PTPRH: variants seen among roughly 807,000 people sequenced by gnomAD.
PTPRH encodes protein tyrosine phosphatase receptor type H, also known as receptor-type tyrosine-protein phosphatase H.
Under a neutral mutation model 130.2 loss-of-function variants are expected in PTPRH, and 113 were observed. The ratio of observed to expected loss-of-function variants is 0.87; its 90% CI spans 0.75 to 1.01. The LOEUF (loss-of-function observed/expected upper bound fraction) is 1.01. PTPRH is among the 50% of genes least tolerant of loss of function. The pLI, the probability that PTPRH is intolerant of heterozygous loss-of-function variation, is 0.00. For synonymous variants in PTPRH, 556 were observed against 577.9 expected (o/e 0.96, Z 0.54); for missense variants, 1,430 against 1,425.0 (o/e 1.00, Z -0.06).
intron 10 of PTPRH, chr19:55,192,035 A>G: frequency 1.9e-6 from 1 of 536,132 alleles, no homozygotes. Flanking sequence ...CTTAATAAAT[A>G]GCGAGTACAT....
Position 55,185,857 on chromosome 19 carries a change from C to T in PTPRH, c.2901+5G>A, listed in dbSNP as rs201500829. On this transcript the variant is annotated splice_donor_5th_base_variant and intron_variant, in intron 17 of 19. Transcript: ENST00000376350. ...GAGGGCCAGGACGGGGCTGGACACA[C>T]GCACCTGGAGGAGCAGCAGTTCCCG... The T allele has an allele frequency of 1.4e-4, 233 of 1,613,968 alleles. 1 individual carries two copies. The highest frequency in any genetic ancestry group is 3.3e-4 in the Middle Eastern group (2 of 6,070).
chr19:55,189,194 C>A (rs1273312242), intron 12 of PTPRH, among the ~76,000 whole-genome samples: 1 of 152,156 alleles, frequency 6.6e-6, no homozygotes, highest in Non-Finnish European at 1.5e-5. Flanking sequence ...CCATGTTGAT[C>A]AGGCTGGTCT....
At chr19:55,203,698 C>T in intron 5 of PTPRH, 84 bp downstream of exon 5, 2 of 1,459,642 alleles carry the variant, frequency 1.4e-6, no homozygotes, top group Non-Finnish European at 9.2e-7. Context: ...GACTAAAGAA[C>T]CTGTCACATT....
Position 55,186,222 on chromosome 19 carries a change from C to T in PTPRH, c.2778+3G>A, listed in dbSNP as rs751791884. On this transcript the variant is annotated splice_donor_region_variant and intron_variant, in intron 16 of 19. Transcript: ENST00000376350. Reference sequence around the variant, plus strand: ...GTCAGCACCCAGGACTCAGATCTCTCACCCGGCCGGCCTCCATGCAGTTGG... The same window carrying T: ...GTCAGCACCCAGGACTCAGATCTCTTACCCGGCCGGCCTCCATGCAGTTGG... 1.2e-6 allele frequency: 2 copies of T among 1,606,532 alleles called. No homozygotes were observed. Among genetic ancestry groups the T allele is most frequent in the Admixed American group, 3.4e-5 (2 of 59,664 alleles).
rs61734205 is a variant in PTPRH at position 55,197,190 on chromosome 19, C to T, written c.1917G>A (p.Thr639=). The part of the protein sequence containing the change: ...WYKVEALEPG[T]LYNFTVWAER... The stretch of plus-strand genomic sequence containing the variant: ...CTGCCCACACGGTGAAATTGTACAA[C>T]GTCCCGGGTTCCAGGGCCTCCACTT... The change falls in exon 9 of 20, where the codon ACG becomes ACA. Residue 639 remains threonine (T), a synonymous_variant. Transcript: ENST00000376350. The T allele has an allele frequency of 4.1e-4, 660 of 1,614,246 alleles. 4 individuals are homozygous for T. The African/African-American group carries it at 7.6e-3, about 19-fold the overall frequency.
intron 4 of PTPRH, among the ~76,000 whole-genome samples, chr19:55,204,790 T>C (rs970980468): frequency 6.6e-6 from 1 of 152,198 alleles, no homozygotes; most frequent in African/African-American, 2.4e-5. Context: ...ATGGAAGCCC[T>C]TCAACAGGGC....
chr19:55,181,870 G>T lies in PTPRH; in HGVS notation c.3232C>A (p.Arg1078=), dbSNP rs367809853. 16 of 1,614,076 alleles carry T rather than the reference G, an allele frequency of 9.9e-6. No homozygotes were observed. The African/African-American group carries it at 2.0e-4, about 20-fold the overall frequency. Residue 1078 remains arginine (R), a synonymous_variant, in exon 20 of 20, where the codon CGG becomes AGG. Coordinates refer to ENST00000376350, the MANE Select transcript of PTPRH (RefSeq NM_002842.5). ...QYVFLHQCIL[R]FLQQSAQAPA... is the part of the protein sequence containing the mutation. ...GCCTGGGCTGACTGTTGGAGGAACC[G>T]CAGGATGCACTGATGCAGGAATACG...
intron 14 of PTPRH, 70 bp from the exon 15 acceptor site, chr19:55,186,610 A>T (rs2086341681): frequency 6.5e-7 from 1 of 1,530,744 alleles, no homozygotes; most frequent in Admixed American, 1.7e-5. Flanking sequence ...CCACAGGCAG[A>T]GAGACCCAGA....
chr19:55,202,030 T>A, intron 6 of PTPRH, 26 bp downstream of exon 6: 1 of 1,611,788 alleles, frequency 6.2e-7, no homozygotes, highest in Non-Finnish European at 8.5e-7. Flanking sequence ...AAATAAGAGA[T>A]CAAACAAATG....
chr19:55,187,555 A>C lies in PTPRH; in HGVS notation c.2524T>G (p.Ser842Ala). ...HSQSQMVASA[S>A]ENNAKNRYRN... ...TAGCGGTTCTTGGCGTTGTTCTCTG[A>C]AGCCGAAGCCACCATCTGAGACTGG... Residue 842 changes from serine (S) to alanine (A), a missense_variant, in exon 14 of 20, where the codon TCA becomes GCA. Coordinates refer to ENST00000376350, the MANE Select transcript of PTPRH (RefSeq NM_002842.5). 6.2e-7 allele frequency: 1 copy of C among 1,613,134 alleles called. No individual in the cohort carries two copies. Among genetic ancestry groups the C allele is most frequent in the South Asian group, 1.1e-5 (1 of 91,024 alleles).
chr19:55,196,460 G>A (rs1458464030), intron 10 of PTPRH, 62 bp downstream of exon 10: 3 of 1,534,758 alleles, frequency 2.0e-6, no homozygotes, highest in Non-Finnish European at 1.8e-6. Flanking sequence ...CCTCACAATG[G>A]GGCCTGATGG....
chr19:55,183,628 G>A lies in PTPRH; in HGVS notation c.3063-1477C>T, dbSNP rs540199829. On this transcript the variant is annotated intron_variant, in intron 18 of 19. Coordinates refer to ENST00000376350, the MANE Select transcript of PTPRH (RefSeq NM_002842.5). ...ATTCCCAGCTACTCAAGAGGCTGAGGCAGGAGAATTGCTTGAACTTGGGAG... is the reference window on the plus strand; with the variant it reads ...ATTCCCAGCTACTCAAGAGGCTGAGACAGGAGAATTGCTTGAACTTGGGAG... 6.5e-4 allele frequency among the ~76,000 whole-genome samples: 99 copies of A among 152,238 alleles called. 1 individual carries two copies. The highest frequency in any genetic ancestry group is 2.0e-3 in the African/African-American group (84 of 41,544).
intron 18 of PTPRH, among the ~76,000 whole-genome samples, chr19:55,184,022 C>T (rs151169819): frequency 0.012 from 1,899 of 152,210 alleles, 37 homozygotes; most frequent in African/African-American, 0.038. Flanking sequence ...CAGTGGTTCA[C>T]GCCTGTAATC....
At position 55,209,441 on chromosome 19, in the gene PTPRH, G is replaced by T; in HGVS notation, c.-8C>A. ...CCCGCCAGCCCCAGCCATGCCTCCA[G>T]ACACTGCCGGGGACCCAGGAGTCCC... On this transcript the variant is annotated 5_prime_UTR_variant, in exon 1 of 20. The change creates a new upstream start codon in the 5' untranslated region. Transcript: ENST00000376350. This position sits in a 1 kb window ranked among gnomAD's most constrained non-coding sequence, Gnocchi z 4.1. 3.2e-6 allele frequency: 5 copies of T among 1,549,664 alleles called. No individual in the cohort carries two copies. The highest frequency in any genetic ancestry group is 4.4e-6 in the Non-Finnish European group (5 of 1,143,320).
At chr19:55,187,896 A>G (rs935129518) in intron 13 of PTPRH, among the ~76,000 whole-genome samples, 182 bp downstream of exon 13, 8 of 151,866 alleles carry the variant, frequency 5.3e-5, no homozygotes, top group East Asian at 1.9e-4. Context: ...CTGACCCACC[A>G]TTATTTTAAG....
Position 55,196,762 on chromosome 19 carries a change from A to G in PTPRH, c.2017T>C (p.Cys673Arg). The change falls in exon 10 of 20, where the codon TGT becomes CGT. Residue 673 changes from cysteine to arginine, a missense_variant. Cys to Arg is a radical substitution (Grantham distance 180). Coordinates refer to ENST00000376350, the MANE Select transcript of PTPRH (RefSeq NM_002842.5). ...CCATAGCCCGCTGAGGTGCTGACAC[A>G]GGAAGTGATGGTGACTGTGTCTGGG... ...TYPDTVTITS[C>R]VSTSAGYGVN... 1 of 1,614,070 alleles carries G rather than the reference A, an allele frequency of 6.2e-7. No individual in the cohort carries two copies. The highest frequency in any genetic ancestry group is 2.2e-5 in the East Asian group (1 of 44,870).
chr19:55,192,825 A>T (rs1166674313), intron 10 of PTPRH, among the ~76,000 whole-genome samples: 1 of 151,830 alleles, frequency 6.6e-6, no homozygotes, highest in Non-Finnish European at 1.5e-5. Context: ...TGCTGGGATT[A>T]TAGGCATGAG....
chr19:55,187,152 T>C (rs928957948), intron 14 of PTPRH, among the ~76,000 whole-genome samples: 31 of 150,646 alleles, frequency 2.1e-4, no homozygotes, highest in Non-Finnish European at 2.2e-4. Flanking sequence ...GAGACCATCC[T>C]GGCTAACACG....
chr19:55,202,082 G>T lies in PTPRH; in HGVS notation c.1127C>A (p.Ser376Tyr). Reference protein sequence around the residue: ...VWVGKNGINSSRETRNATTAP... With the variant: ...VWVGKNGINSYRETRNATTAP... ...TGTGGTGGCATTTCGAGTCTCCCGGGAGCTGTTGATTCCATTCTTCCCCAC... is the reference window on the plus strand; with the variant it reads ...TGTGGTGGCATTTCGAGTCTCCCGGTAGCTGTTGATTCCATTCTTCCCCAC... Residue 376 changes from serine to tyrosine, a missense_variant, in exon 6 of 20, where the codon TCC becomes TAC. Ser to Tyr is a moderately radical substitution (Grantham distance 144, BLOSUM62 -2). Transcript: ENST00000376350. 2 of 1,614,166 alleles carry T rather than the reference G, an allele frequency of 1.2e-6. No individual in the cohort carries two copies. Among genetic ancestry groups the T allele is most frequent in the Non-Finnish European group, 1.7e-6 (2 of 1,180,036 alleles).
Sources: gnomAD v4.1 joint callset for allele counts (sites outside exome capture counted in the v4.1 genomes callset) on GRCh38, gnomAD v4.1.1 for gene constraint, Gnocchi (gnomAD v3.1) non-coding constraint, MANE v1.5 for transcripts, NCBI Gene and HGNC (gene_info 2026-07-23, HGNC 2026-07-21) for gene names.